ZNF766: variants seen among roughly 807,000 people sequenced by gnomAD.
ZNF766 encodes zinc finger protein 766.
ZNF766 carries 13 observed loss-of-function variants against 13.2 expected under a neutral mutation model. That is an observed-to-expected ratio of 0.98 (90% CI 0.64 to 1.56). The LOEUF (loss-of-function observed/expected upper bound fraction) is 1.56, where lower values mean the gene tolerates loss of function less well. Ranked by LOEUF, ZNF766 falls within the 40% of genes most tolerant of loss-of-function variation. The probability of loss-of-function intolerance (pLI) is 0.00; values close to 1 mark genes in which losing one functional copy is unlikely to be tolerated. For missense variants in ZNF766, 521 were observed against 552.2 expected (o/e 0.94, Z 0.57); for synonymous variants, 178 against 187.6 (o/e 0.95, Z 0.42).
chr19:52,286,267 C>T (rs752797678), intron 3 of ZNF766, among the ~76,000 whole-genome samples: 1 of 150,118 alleles, frequency 6.7e-6, no homozygotes, highest in Non-Finnish European at 1.5e-5. Flanking sequence ...TATATATGGA[C>T]TCTATTATGT....
In ZNF766 at chr19:52,269,593, G is replaced by A. The variant is rs1568614538; in HGVS notation, c.-21G>A. On this transcript the variant is annotated 5_prime_UTR_variant, in exon 1 of 4. Coordinates refer to ENST00000439461, the MANE Select transcript of ZNF766 (RefSeq NM_001010851.3). ...TTCGCGCGCAGCCGCCTGCAGACCC[G>A]GAAGTGGATGGCGTGGAGATATGGC... is the stretch of plus-strand genomic sequence containing the variant. 2 of 1,611,912 alleles carry A rather than the reference G, an allele frequency of 1.2e-6. No homozygotes were observed. Among genetic ancestry groups the A allele is most frequent in the South Asian group, 1.1e-5 (1 of 91,022 alleles).
Position 52,291,320 on chromosome 19 carries a change from A to T in ZNF766, c.*122A>T, listed in dbSNP as rs1274345902. 7 of 955,848 alleles carry T rather than the reference A, an allele frequency of 7.3e-6. No homozygotes were observed. The highest frequency in any genetic ancestry group is 1.1e-5 in the Non-Finnish European group (7 of 651,358). The allele number at this position is 955,848 out of a possible 1,614,324, so 59.2% of individuals were successfully genotyped here. On this transcript the variant is annotated 3_prime_UTR_variant, in exon 4 of 4. Coordinates refer to ENST00000439461, the MANE Select transcript of ZNF766 (RefSeq NM_001010851.3). ...GTATCGAGACCTACCAAATCACTAG[A>T]CATCGAAACATTCATCTTTGGTGAA... is the stretch of plus-strand genomic sequence containing the variant.
intron 3 of ZNF766, among the ~76,000 whole-genome samples, chr19:52,288,507 A>G (rs939301887): frequency 6.6e-6 from 1 of 152,216 alleles, no homozygotes; most frequent in South Asian, 2.1e-4. Flanking sequence ...AGTTGGGACT[A>G]CAAGCACACG....
chr19:52,269,707 G>T (rs1002904622), intron 1 of ZNF766, 76 bp downstream of exon 1: 38 of 1,568,426 alleles, frequency 2.4e-5, no homozygotes, highest in Middle Eastern at 3.4e-4. Context: ...TGTGGGGGGC[G>T]GTACAGACCT....
At position 52,291,215 on chromosome 19, in the gene ZNF766, C is replaced by A; in HGVS notation, c.*17C>A. 1 of 1,544,026 alleles carries A rather than the reference C, an allele frequency of 6.5e-7. No homozygotes were observed. The highest frequency in any genetic ancestry group is 8.7e-7 in the Non-Finnish European group (1 of 1,148,298). ...ACAAACTGAGTTTGGCAAACTCTAT[C>A]ATAAGTTCTAGCAGTAATCAACATC... On this transcript the variant is annotated 3_prime_UTR_variant, in exon 4 of 4. Coordinates refer to ENST00000439461, the MANE Select transcript of ZNF766 (RefSeq NM_001010851.3).
At chr19:52,276,526 AGTC>A (rs1432282111) in intron 1 of ZNF766, among the ~76,000 whole-genome samples, 1 of 151,960 alleles carries the variant, frequency 6.6e-6, no homozygotes, top group African/African-American at 2.4e-5. Flanking sequence ...TTTTAATAGT[AGTC>A]TTTTTGATCA....
At chr19:52,284,328 C>T (rs1026483788) in intron 3 of ZNF766, among the ~76,000 whole-genome samples, 8 of 152,126 alleles carry the variant, frequency 5.3e-5, no homozygotes, top group Non-Finnish European at 8.8e-5. Flanking sequence ...TCATGATCTG[C>T]CCATTTCCTG....
Position 52,291,448 on chromosome 19 carries a change from G to A in ZNF766, c.*250G>A, listed in dbSNP as rs897677427. ...GTGCAAGGACACGTGGAAATGATCTGTAATATTCGGGTTATTAAAAATGTA... is the reference window on the plus strand; with the variant it reads ...GTGCAAGGACACGTGGAAATGATCTATAATATTCGGGTTATTAAAAATGTA... On this transcript the variant is annotated 3_prime_UTR_variant, in exon 4 of 4. Transcript: ENST00000439461. 3 of 406,356 alleles carry A rather than the reference G, an allele frequency of 7.4e-6. No individual in the cohort carries two copies. The highest frequency in any genetic ancestry group is 1.3e-5 in the Non-Finnish European group (3 of 229,988). The allele number at this position is 406,356 out of a possible 1,614,324, so 25.2% of individuals were successfully genotyped here.
At chr19:52,278,604 A>G (rs1275807102) in intron 1 of ZNF766, among the ~76,000 whole-genome samples, 1 of 151,976 alleles carries the variant, frequency 6.6e-6, no homozygotes, top group Non-Finnish European at 1.5e-5. Flanking sequence ...GAGCTTCACC[A>G]TGGTGGCCAG....
intron 3 of ZNF766, among the ~76,000 whole-genome samples, chr19:52,285,948 G>C (rs887606488): frequency 4.6e-5 from 7 of 152,134 alleles, no homozygotes; most frequent in African/African-American, 1.7e-4. Context: ...AGGTATATGT[G>C]TATCATAACA....
At position 52,269,612 on chromosome 19, in the gene ZNF766, A is replaced by G. The variant is rs202098134; in HGVS notation, c.-2A>G. 5 of 1,612,400 alleles carry G rather than the reference A, an allele frequency of 3.1e-6. No individual in the cohort carries two copies. In the African/African-American group the frequency reaches 5.3e-5, roughly 17 times the overall value. On this transcript the variant is annotated 5_prime_UTR_variant, in exon 1 of 4. Coordinates refer to ENST00000439461, the MANE Select transcript of ZNF766 (RefSeq NM_001010851.3). ...AGACCCGGAAGTGGATGGCGTGGAG[A>G]TATGGCGCAACTGCGGCGCGTGAGT... is the stretch of plus-strand genomic sequence containing the variant.
rs199877828 is a variant in ZNF766, at chr19:52,290,213, G to C, written c.422G>C (p.Ser141Thr). ...TGTAATCAAGTTCAAAAGTTCATCA[G>C]CCACAGTTCTTCAGTTTCGCCACTT... Reference protein sequence around the residue: ...YECNQVQKFISHSSSVSPLQR... With the variant: ...YECNQVQKFITHSSSVSPLQR... Residue 141 changes from serine (S) to threonine (T), a missense_variant, in exon 4 of 4, where the codon AGC becomes ACC. Coordinates refer to ENST00000439461, the MANE Select transcript of ZNF766 (RefSeq NM_001010851.3). 6.2e-7 allele frequency: 1 copy of C among 1,613,896 alleles called. No individual in the cohort carries two copies. The highest frequency in any genetic ancestry group is 8.5e-7 in the Non-Finnish European group (1 of 1,179,914).
Position 52,269,639 on chromosome 19 carries a change from T to C in ZNF766, c.18+8T>C. The C allele has an allele frequency of 6.2e-7, 1 of 1,612,898 alleles. No individual in the cohort carries two copies. Among genetic ancestry groups the C allele is most frequent in the Non-Finnish European group, 8.5e-7 (1 of 1,179,650 alleles). ...ATGGCGCAACTGCGGCGCGTGAGTT[T>C]TCCTTTGTTTAGATTAAGTGTTCGC... On this transcript the variant is annotated splice_region_variant and intron_variant, in intron 1 of 3. Coordinates refer to ENST00000439461, the MANE Select transcript of ZNF766 (RefSeq NM_001010851.3).
rs1313447036 is a variant in ZNF766, at chr19:52,292,343, A to G, written c.*1145A>G. ...GGCAGTCATCATGCTTATTGCAGTT[A>G]GCACACACTTTTCCTGACAGGCACA... is the stretch of plus-strand genomic sequence containing the variant. On this transcript the variant is annotated 3_prime_UTR_variant, in exon 4 of 4. Coordinates refer to ENST00000439461, the MANE Select transcript of ZNF766 (RefSeq NM_001010851.3). 2 of 608,862 alleles carry G rather than the reference A, an allele frequency of 3.3e-6. No individual in the cohort carries two copies. Among genetic ancestry groups the G allele is most frequent in the Non-Finnish European group, 5.8e-6 (2 of 341,948 alleles). The allele number at this position is 608,862 out of a possible 1,614,324, so 37.7% of individuals were successfully genotyped here.
At chr19:52,280,674 C>T (rs868533500) in intron 1 of ZNF766, among the ~76,000 whole-genome samples, 9 of 152,144 alleles carry the variant, frequency 5.9e-5, no homozygotes, top group African/African-American at 9.6e-5. Context: ...CCTCCGCCTC[C>T]TGGGTTCAAG....
chr19:52,269,983 C>A (rs952743896), intron 1 of ZNF766, among the ~76,000 whole-genome samples: 1 of 152,212 alleles, frequency 6.6e-6, no homozygotes, highest in African/African-American at 2.4e-5. Context: ...AGCGCCGCAG[C>A]CGCCATTCGG....
chr19:52,287,902 A>G (rs548702691), intron 3 of ZNF766: 1 of 347,896 alleles, frequency 2.9e-6, no homozygotes, highest in South Asian at 2.1e-5. Context: ...AGGCTTTGTC[A>G]AAAGTCTTAC....
chr19:52,269,652 A>T, intron 1 of ZNF766, 21 bp downstream of exon 1: 1 of 1,612,484 alleles, frequency 6.2e-7, no homozygotes. Context: ...CTTTGTTTAG[A>T]TTAAGTGTTC....
rs1287635318 is a variant in ZNF766 at position 52,290,841 on chromosome 19, T to A, written c.1050T>A (p.Thr350=). Residue 350 remains threonine, a synonymous_variant, in exon 4 of 4, where the codon ACT becomes ACA. Transcript: ENST00000439461. Reference sequence around the variant, plus strand: ...TCACCACCCATCTGTTAATCCACACTGGAGAGAAACCTTACAAATGTAAAG... The same window carrying A: ...TCACCACCCATCTGTTAATCCACACAGGAGAGAAACCTTACAAATGTAAAG... ...SSLTTHLLIH[T]GEKPYKCKEC... is the part of the protein sequence containing the mutation. 1.9e-6 allele frequency: 3 copies of A among 1,614,052 alleles called. No individual in the cohort carries two copies. In the East Asian group the frequency reaches 6.7e-5, roughly 36 times the overall value.
Sources: gnomAD v4.1 joint callset for allele counts (sites outside exome capture counted in the v4.1 genomes callset) on GRCh38, gnomAD v4.1.1 for gene constraint, MANE v1.5 for transcripts, NCBI Gene and HGNC (gene_info 2026-07-23, HGNC 2026-07-21) for gene names.